The following KCNIP1 variants were observed in gnomAD, a reference collection of about 807,000 sequenced individuals.
The protein encoded by KCNIP1 is potassium voltage-gated channel interacting protein 1.
Under a neutral mutation model 33.0 loss-of-function variants are expected in KCNIP1, and 18 were observed. That is an observed-to-expected ratio of 0.55 (90% confidence interval 0.38 to 0.81). KCNIP1 has a LOEUF of 0.81. KCNIP1 is among the 30% of genes least tolerant of loss of function. The pLI is 0.00. For missense variants in KCNIP1, 238 were observed against 271.6 expected, an observed-to-expected ratio of 0.88 and a Z score of 0.87; for synonymous variants, 93 against 98.3, an observed-to-expected ratio of 0.95 and a Z score of 0.32.
chr5:170,505,103 C>T (rs1328388387), intron 1 of KCNIP1, among the ~76,000 whole-genome samples: 1 of 152,192 alleles, frequency 6.6e-6, no homozygotes, highest in Non-Finnish European at 1.5e-5. Flanking sequence ...TCTGCACCCC[C>T]AAAACCTCTG....
chr5:170,360,461 T>G (rs1256253786), intron 1 of KCNIP1, among the ~76,000 whole-genome samples: 3 of 152,178 alleles, frequency 2.0e-5, no homozygotes, highest in African/African-American at 7.2e-5. Flanking sequence ...ATGGGACATG[T>G]GACAGGCACA....
At chr5:170,597,788 T>A (rs10077988) in intron 1 of KCNIP1, among the ~76,000 whole-genome samples, 21 of 796 alleles carry the variant, frequency 0.026, no homozygotes, top group African/African-American at 0.046. Flanking sequence ...GAGATAAATA[T>A]ATATATATAT....
chr5:170,560,681 T>G (rs1757006614), intron 1 of KCNIP1, among the ~76,000 whole-genome samples: 1 of 152,150 alleles, frequency 6.6e-6, no homozygotes, highest in Admixed American at 6.5e-5. Context: ...TTGGCGCTTC[T>G]CAGCCTCTGT....
At chr5:170,459,910 T>C (rs1024825484) in intron 1 of KCNIP1, among the ~76,000 whole-genome samples, 1 of 152,140 alleles carries the variant, frequency 6.6e-6, no homozygotes, top group Non-Finnish European at 1.5e-5. Flanking sequence ...GCTGATTCTT[T>C]GAAAAGATAA....
intron 1 of KCNIP1, chr5:170,379,024 G>A: frequency 6.3e-7 from 1 of 1,588,902 alleles, no homozygotes; most frequent in East Asian, 2.2e-5. Context: ...CCATTTCTTA[G>A]CCAAGGGCTT....
intron 1 of KCNIP1, among the ~76,000 whole-genome samples, chr5:170,446,088 T>G (rs1314877224): frequency 6.6e-6 from 1 of 152,128 alleles, no homozygotes; most frequent in Non-Finnish European, 1.5e-5. Context: ...CCTTGAGCAC[T>G]CTCTAAGCAG....
intron 1 of KCNIP1, among the ~76,000 whole-genome samples, chr5:170,466,081 C>T (rs1190846144): frequency 6.6e-6 from 1 of 152,016 alleles, no homozygotes; most frequent in Non-Finnish European, 1.5e-5. Flanking sequence ...GTGCTTGGGG[C>T]TAGGGAGGCT....
intron 1 of KCNIP1, among the ~76,000 whole-genome samples, chr5:170,668,791 A>G (rs1234841791): frequency 6.6e-6 from 1 of 152,154 alleles, no homozygotes; most frequent in African/African-American, 2.4e-5. Flanking sequence ...TGCTTCCTGG[A>G]GGTGGTTCCC....
chr5:170,527,262 G>A (rs910957967), intron 1 of KCNIP1, among the ~76,000 whole-genome samples: 1 of 152,190 alleles, frequency 6.6e-6, no homozygotes, highest in Non-Finnish European at 1.5e-5. Flanking sequence ...ATTAAACTAT[G>A]TATTTGTTTA....
chr5:170,493,397 G>A (rs1379260992), intron 1 of KCNIP1, among the ~76,000 whole-genome samples: 1 of 152,188 alleles, frequency 6.6e-6, no homozygotes, highest in Non-Finnish European at 1.5e-5. Flanking sequence ...GGAATAGGTT[G>A]CATATAGAAG....
At chr5:170,500,467 A>G (rs1757389342), upstream of KCNIP1, among the ~76,000 whole-genome samples, 1 of 151,904 alleles carries the variant, frequency 6.6e-6, no homozygotes, top group Admixed American at 6.5e-5. Context: ...TGAGTACATC[A>G]TGGGAGGGAC....
intron 1 of KCNIP1, among the ~76,000 whole-genome samples, chr5:170,547,292 ACTAT>A (rs1434114579): frequency 6.6e-6 from 1 of 152,146 alleles, no homozygotes; most frequent in Non-Finnish European, 1.5e-5. Context: ...TTTATTTATA[ACTAT>A]CTAAGAGTTT....
Position 170,504,326 on chromosome 5 carries a change from C to A in KCNIP1, c.-247C>A. 2 of 1,370,264 alleles carry A rather than the reference C, an allele frequency of 1.5e-6. No homozygotes were observed. Among genetic ancestry groups the A allele is most frequent in the Non-Finnish European group, 1.9e-6 (2 of 1,066,620 alleles). 84.9% of individuals were successfully genotyped at this position (1,370,264 alleles called of 1,614,324 possible). A position where few individuals can be genotyped will look rare whatever the true frequency, so the allele number is the denominator to read the frequency against. Reference sequence around the variant, plus strand: ...AGGGAACCGCCGGGCCGGGTCCTCGCGCGGGGAAGCGGTTCCGAAGGCTCG... The same window carrying A: ...AGGGAACCGCCGGGCCGGGTCCTCGAGCGGGGAAGCGGTTCCGAAGGCTCG... On this transcript the variant is annotated 5_prime_UTR_variant, in exon 1 of 8. Transcript: ENST00000328939. The surrounding 1 kb of genome is among the most constrained non-coding windows in gnomAD (Gnocchi z 6.0).
At chr5:170,573,710 T>C (rs902368324) in intron 1 of KCNIP1, among the ~76,000 whole-genome samples, 5 of 152,236 alleles carry the variant, frequency 3.3e-5, no homozygotes, top group Non-Finnish European at 5.9e-5. Flanking sequence ...TAAATTTCAG[T>C]GTCCATAAAT....
At chr5:170,614,385 T>C (rs573843115) in intron 1 of KCNIP1, among the ~76,000 whole-genome samples, 37 of 152,212 alleles carry the variant, frequency 2.4e-4, no homozygotes, top group Non-Finnish European at 4.6e-4. Flanking sequence ...GGAGGACACA[T>C]GCATTCCAGT....
chr5:170,469,848 G>A (rs552134344), intron 1 of KCNIP1, among the ~76,000 whole-genome samples: 2 of 152,108 alleles, frequency 1.3e-5, no homozygotes, highest in Non-Finnish European at 2.9e-5. Context: ...CTTGATTCAT[G>A]GATAAAACCT....
In KCNIP1 at chr5:170,661,946, C is replaced by A. The variant is rs554441542; in HGVS notation, c.62-56812C>A. ...TAGAGCTTTCCTTGCAAGGCTCGAG[C>A]ACAACGCAGCAGTCACTCCTTGTCT... On this transcript the variant is annotated intron_variant, in intron 1 of 7. Transcript: ENST00000328939. 2.0e-5 allele frequency among the ~76,000 whole-genome samples: 3 copies of A among 152,162 alleles called. No homozygotes were observed. The South Asian group carries it at 6.2e-4, about 32-fold the overall frequency.
chr5:170,364,738 T>C (rs1763611666), intron 1 of KCNIP1, among the ~76,000 whole-genome samples: 1 of 152,366 alleles, frequency 6.6e-6, no homozygotes, highest in Non-Finnish European at 1.5e-5. Flanking sequence ...TGCAATAATA[T>C]TACACATGTG....
intron 1 of KCNIP1, among the ~76,000 whole-genome samples, chr5:170,666,236 C>T (rs1381072915): frequency 3.3e-5 from 5 of 152,162 alleles, no homozygotes; most frequent in Admixed American, 3.3e-4. Flanking sequence ...TACTTCTTTT[C>T]TTGCTCAAAT....
Sources: allele counts gnomAD v4.1 joint callset (sites outside exome capture counted in the v4.1 genomes callset), GRCh38; gene constraint gnomAD v4.1.1; non-coding constraint Gnocchi (gnomAD v3.1); transcripts MANE v1.5; gene names NCBI Gene and HGNC (gene_info 2026-07-23, HGNC 2026-07-21).